NRK: variants seen among roughly 807,000 people sequenced by gnomAD.
The protein encoded by NRK is Nik related kinase, also known as nik-related protein kinase.
A neutral mutation model predicts 125.2 loss-of-function variants in NRK; 67 were observed. That is an observed-to-expected ratio of 0.54 (90% CI 0.44 to 0.66). The LOEUF (loss-of-function observed/expected upper bound fraction) is 0.66, where lower values mean the gene tolerates loss of function less well. Among genes scored for constraint, NRK ranks in the 30% least tolerant of loss-of-function variants. NRK has a pLI of 0.00. For synonymous variants in NRK, 458 were observed against 429.0 expected, an observed-to-expected ratio of 1.07 and a Z score of -0.84; for missense variants, 1,224 against 1,192.9, an observed-to-expected ratio of 1.03 and a Z score of -0.38.
rs377439740 is a variant in NRK, at chrX:105,935,175, G to T, written c.3505G>T (p.Ala1169Ser). 39 of 1,185,466 alleles carry T rather than the reference G, an allele frequency of 3.3e-5. No individual in the cohort carries two copies. Among genetic ancestry groups the T allele is most frequent in the Non-Finnish European group, 4.2e-5 (37 of 874,158 alleles). The change falls in exon 21 of 29, where the codon GCT becomes TCT. Residue 1169 changes from alanine (A) to serine (S), a missense_variant. Ala to Ser is a moderately conservative substitution (Grantham distance 99, BLOSUM62 1). Transcript: ENST00000243300. ...DANFASAILY[A>S]GFVEVPEESP... ...TTCCCCTTACATCTTTGCAGTATAC[G>T]CTGGATTCGTAGAAGTACCTGAGGA...
Position 105,924,829 on chromosome X carries a change from A to G in NRK, c.3110A>G (p.Asn1037Ser), listed in dbSNP as rs769777904. ...GGAGGAAGTGCAGCCAGTGAGGACAATGCAGCCATTGGAGATCAGGAAGAA... is the reference window on the plus strand; with the variant it reads ...GGAGGAAGTGCAGCCAGTGAGGACAGTGCAGCCATTGGAGATCAGGAAGAA... ...SHGGSAASED[N>S]AAIGDQEEHA... The change falls in exon 19 of 29, where the codon AAT becomes AGT. Residue 1037 changes from asparagine to serine, a missense_variant. Physicochemically the swap from Asn to Ser is conservative, Grantham distance 46. Transcript: ENST00000243300. 8 of 1,209,354 alleles carry G rather than the reference A, an allele frequency of 6.6e-6. No homozygotes were observed. Among genetic ancestry groups the G allele is most frequent in the African/African-American group, 1.7e-5 (1 of 57,196 alleles).
intron 2 of NRK, among the ~76,000 whole-genome samples, chrX:105,858,523 G>A (rs2039562049): frequency 9.1e-6 from 1 of 110,470 alleles, no homozygotes; most frequent in Admixed American, 9.7e-5. Context: ...GACCCCAGAG[G>A]TATAATTTCA....
chrX:105,823,551 T>A (rs959497457), intron 1 of NRK, among the ~76,000 whole-genome samples: 3 of 110,724 alleles, frequency 2.7e-5, no homozygotes, highest in Admixed American at 1.9e-4. Flanking sequence ...TTTTTTTTTT[T>A]AATATTGTGT....
intron 26 of NRK, among the ~76,000 whole-genome samples, chrX:105,947,753 T>C (rs760480304): frequency 1.3e-4 from 15 of 112,251 alleles, no homozygotes; most frequent in East Asian, 2.8e-4. Context: ...AGGAGAAAAC[T>C]TTGATGTATT....
At chrX:105,935,405 A>G in intron 21 of NRK, 80 bp downstream of exon 21, 1 of 612,646 alleles carries the variant, frequency 1.6e-6, no homozygotes, top group East Asian at 3.7e-5. Flanking sequence ...ATATTTGCTT[A>G]CTCTTACCAA....
chrX:105,853,509 G>A (rs756996731), intron 2 of NRK, among the ~76,000 whole-genome samples: 1 of 111,699 alleles, frequency 9.0e-6, no homozygotes, highest in East Asian at 2.8e-4. Context: ...AACCATGTGT[G>A]CACACGCGCA....
intron 8 of NRK, 93 bp from the exon 9 acceptor site, chrX:105,900,525 C>A: frequency 1.8e-6 from 1 of 547,586 alleles, no homozygotes; most frequent in Non-Finnish European, 3.1e-6. Flanking sequence ...CTGGCATTGA[C>A]ATCCACACCC....
intron 16 of NRK, among the ~76,000 whole-genome samples, chrX:105,921,248 G>A (rs1467529249): frequency 1.9e-5 from 2 of 103,171 alleles, no homozygotes; most frequent in Non-Finnish European, 3.9e-5. Flanking sequence ...ACCAAACACC[G>A]CATATTCTCA....
chrX:105,950,823 C>CAG (rs746466025), intron 27 of NRK, among the ~76,000 whole-genome samples: 7,037 of 100,623 alleles, frequency 0.07, 614 homozygotes, highest in African/African-American at 0.23. Flanking sequence ...AACATAGAGA[C>CAG]AGAGAGAGAG....
intron 24 of NRK, among the ~76,000 whole-genome samples, chrX:105,945,247 A>G (rs777354059): frequency 8.9e-6 from 1 of 111,760 alleles, no homozygotes; most frequent in Non-Finnish European, 1.9e-5. Flanking sequence ...GTTGATCCAT[A>G]GACAGGTTTT....
At chrX:105,856,050 C>T (rs1324811293) in intron 2 of NRK, among the ~76,000 whole-genome samples, 3 of 111,613 alleles carry the variant, frequency 2.7e-5, no homozygotes, top group Admixed American at 1.9e-4. Flanking sequence ...TAAAAAAACT[C>T]TTCTGACAGT....
chrX:105,918,812 A>G (rs1250860649), intron 16 of NRK, among the ~76,000 whole-genome samples: 1 of 110,194 alleles, frequency 9.1e-6, no homozygotes, highest in Non-Finnish European at 1.9e-5. Flanking sequence ...ATGTCTTTTC[A>G]GCTCCAAATT....
chrX:105,829,888 G>T (rs755066244), intron 1 of NRK, among the ~76,000 whole-genome samples: 13 of 110,750 alleles, frequency 1.2e-4, no homozygotes, highest in Non-Finnish European at 1.5e-4. Context: ...AGCTGTTACA[G>T]GTTGGTGCAA....
chrX:105,910,400 A>G (rs893001184), intron 13 of NRK, among the ~76,000 whole-genome samples: 2 of 112,373 alleles, frequency 1.8e-5, no homozygotes, highest in Non-Finnish European at 1.9e-5. Flanking sequence ...AGTTTCCAAA[A>G]TATTTGGTAT....
chrX:105,839,004 T>C (rs964234480), intron 2 of NRK, among the ~76,000 whole-genome samples: 5 of 111,341 alleles, frequency 4.5e-5, no homozygotes, highest in African/African-American at 1.6e-4. Context: ...TGTTTATTAG[T>C]TATATTTTCT....
At chrX:105,847,140 A>G (rs1215117380) in intron 2 of NRK, among the ~76,000 whole-genome samples, 6 of 111,813 alleles carry the variant, frequency 5.4e-5, no homozygotes, top group African/African-American at 2.0e-4. Flanking sequence ...TTTGTACATG[A>G]TATACTCAAA....
At chrX:105,865,453 T>C (rs905650259) in intron 2 of NRK, among the ~76,000 whole-genome samples, 4 of 111,309 alleles carry the variant, frequency 3.6e-5, no homozygotes, top group African/African-American at 1.3e-4. Context: ...GAAAAGACCC[T>C]TGGAGCCAGA....
At chrX:105,834,840 T>C (rs1204733989) in intron 2 of NRK, among the ~76,000 whole-genome samples, 2 of 111,343 alleles carry the variant, frequency 1.8e-5, no homozygotes, top group Non-Finnish European at 3.8e-5. Flanking sequence ...TCAACTATAT[T>C]ACTGTTTTTC....
At chrX:105,886,747 A>C (rs1402466952) in intron 4 of NRK, among the ~76,000 whole-genome samples, 1 of 108,508 alleles carries the variant, frequency 9.2e-6, no homozygotes, top group Non-Finnish European at 1.9e-5. Flanking sequence ...ATTAATAAAA[A>C]TAAATTATCG....
Sources: gnomAD v4.1 joint callset for allele counts (sites outside exome capture counted in the v4.1 genomes callset) on GRCh38, gnomAD v4.1.1 for gene constraint, MANE v1.5 for transcripts, NCBI Gene and HGNC (gene_info 2026-07-23, HGNC 2026-07-21) for gene names.